The following FGF13 variants were observed in gnomAD, a reference collection of about 807,000 sequenced individuals.
FGF13 encodes fibroblast growth factor homologous factor 2.
FGF13 carries 2 observed loss-of-function variants against 19.5 expected under a neutral mutation model. The ratio of observed to expected loss-of-function variants is 0.10; its 90% confidence interval spans 0.04 to 0.32. The LOEUF is 0.32. Among genes scored for constraint, FGF13 ranks in the 10% least tolerant of loss-of-function variants. The pLI is 1.00. For synonymous variants in FGF13, 72 were observed against 76.9 expected, an observed-to-expected ratio of 0.94 and a Z score of 0.33; for missense variants, 113 against 192.7, an observed-to-expected ratio of 0.59 and a Z score of 2.45.
At chrX:138,792,873 C>A (rs1281351849) in intron 3 of FGF13, among the ~76,000 whole-genome samples, 1 of 111,586 alleles carries the variant, frequency 9.0e-6, no homozygotes, top group Non-Finnish European at 1.9e-5. Flanking sequence ...ATACATGTCC[C>A]TGCCCTAACT....
chrX:138,848,321 T>C (rs1346599038), intron 3 of FGF13, among the ~76,000 whole-genome samples: 1 of 111,158 alleles, frequency 9.0e-6, no homozygotes, highest in Admixed American at 9.6e-5. Context: ...AAGAGGCCCA[T>C]GCAATCAGCA....
At chrX:139,135,424 T>A (rs187219030) in intron 1 of FGF13, among the ~76,000 whole-genome samples, 2 of 112,607 alleles carry the variant, frequency 1.8e-5, no homozygotes, top group East Asian at 5.6e-4. Context: ...AAAAACATTT[T>A]ACTGCGGAGA....
intron 1 of FGF13, among the ~76,000 whole-genome samples, chrX:139,003,811 G>T (rs1199021763): frequency 9.0e-6 from 1 of 110,649 alleles, no homozygotes; most frequent in Non-Finnish European, 1.9e-5. Flanking sequence ...GTTCTCCAAG[G>T]CCCCACCAGA....
chrX:138,815,301 T>G (rs1239501978), intron 3 of FGF13, among the ~76,000 whole-genome samples: 1 of 110,727 alleles, frequency 9.0e-6, no homozygotes, highest in Admixed American at 9.7e-5. Context: ...CATTGTATAC[T>G]TAAAAAGTGC....
In FGF13 at chrX:138,711,416, G is replaced by A. The variant is rs1602733080; in HGVS notation, c.-413C>T. The A allele has an allele frequency of 3.6e-6, 2 of 562,274 alleles. No homozygotes were observed. The highest frequency in any genetic ancestry group is 4.0e-6 in the Non-Finnish European group (2 of 501,833). 46.3% of individuals were successfully genotyped at this position (562,274 alleles called of 1,213,427 possible). A position where few individuals can be genotyped will look rare whatever the true frequency, so the allele number is the denominator to read the frequency against. The stretch of plus-strand genomic sequence containing the variant: ...TGTTGCCCTTCTGATGGGGGCCAGA[G>A]GAGGGAGGCGGGCGGAGGGAGTGAG... On this transcript the variant is annotated 5_prime_UTR_variant, in exon 1 of 5. Coordinates refer to ENST00000315930, the MANE Select transcript of FGF13 (RefSeq NM_004114.5).
At chrX:139,037,070 A>C (rs757771579) in intron 1 of FGF13, among the ~76,000 whole-genome samples, 6 of 110,973 alleles carry the variant, frequency 5.4e-5, no homozygotes, top group Non-Finnish European at 9.4e-5. Context: ...CAATGGAGAC[A>C]ACTCTTCTAC....
intron 1 of FGF13, among the ~76,000 whole-genome samples, chrX:139,043,373 A>T (rs1480408494): frequency 9.1e-6 from 1 of 110,223 alleles, no homozygotes; most frequent in Non-Finnish European, 1.9e-5. Flanking sequence ...CACCACACCC[A>T]TCTAATTTTT....
At chrX:139,083,947 C>T (rs1240060494) in intron 1 of FGF13, among the ~76,000 whole-genome samples, 1 of 110,992 alleles carries the variant, frequency 9.0e-6, no homozygotes, top group African/African-American at 3.3e-5. Context: ...AGGATCTGCA[C>T]AGTGCTCAGG....
chrX:138,787,680 G>A (rs1483848290), intron 3 of FGF13, among the ~76,000 whole-genome samples: 1 of 110,970 alleles, frequency 9.0e-6, no homozygotes, highest in Non-Finnish European at 1.9e-5. Context: ...GCATGCATTA[G>A]GTATTTGTCC....
At chrX:138,786,248 T>A (rs1463326526) in intron 3 of FGF13, among the ~76,000 whole-genome samples, 6 of 111,583 alleles carry the variant, frequency 5.4e-5, no homozygotes, top group Non-Finnish European at 1.1e-4. Flanking sequence ...TCCAAACTCC[T>A]TTTTCTGCCT....
At chrX:138,799,671 C>T (rs1187773654) in intron 3 of FGF13, among the ~76,000 whole-genome samples, 1 of 110,744 alleles carries the variant, frequency 9.0e-6, no homozygotes, top group Non-Finnish European at 1.9e-5. Flanking sequence ...GCTAAAGTCT[C>T]CCACTAATAT....
chrX:138,623,557 G>C lies in FGF13; in HGVS notation c.*9293C>G, dbSNP rs910633740. 1 of 111,482 alleles carries C rather than the reference G, an allele frequency of 9.0e-6. No individual in the cohort carries two copies. Among genetic ancestry groups the C allele is most frequent in the African/African-American group, 3.3e-5 (1 of 30,667 alleles). 9.2% of individuals were successfully genotyped at this position (111,482 alleles called of 1,213,427 possible). On this transcript the variant is annotated 3_prime_UTR_variant, in exon 5 of 5. Coordinates refer to ENST00000315930, the MANE Select transcript of FGF13 (RefSeq NM_004114.5). Reference sequence around the variant, plus strand: ...GGAGGCCGAGGAAGGTGGATCACCTGAGGTCAGGAGTTTGAGACTAGCCTG... The same window carrying C: ...GGAGGCCGAGGAAGGTGGATCACCTCAGGTCAGGAGTTTGAGACTAGCCTG...
intron 1 of FGF13, among the ~76,000 whole-genome samples, chrX:139,039,759 G>A (rs575213359): frequency 2.7e-5 from 3 of 110,781 alleles, no homozygotes; most frequent in East Asian, 5.7e-4. Context: ...TCCCTAGAAC[G>A]GCAACTGTCA....
chrX:138,966,211 G>A (rs6635739), intron 1 of FGF13, among the ~76,000 whole-genome samples: 2 of 111,798 alleles, frequency 1.8e-5, no homozygotes, highest in Non-Finnish European at 3.8e-5. Context: ...GTATTGCCTA[G>A]GGGAGCTGTG....
rs779942310 is a variant in FGF13, at chrX:138,643,193, A to AT, written c.403-7539dup. Among the ~76,000 whole-genome samples the AT allele has an allele frequency of 2.2e-4, 25 of 112,134 alleles. 1 individual carries two copies. Among genetic ancestry groups the AT allele is most frequent in the African/African-American group, 7.4e-4 (23 of 30,895 alleles). On this transcript the variant is annotated intron_variant, in intron 3 of 4. Transcript: ENST00000315930. Reference sequence around the variant, plus strand: ...TGACCATATTTCAGCCCTGGAGTTCATTTAGTCCTCTATACTGAATTGTTC... The same window carrying AT: ...TGACCATATTTCAGCCCTGGAGTTCATTTTAGTCCTCTATACTGAATTGTTC...
At position 138,828,475 on chromosome X, in the gene FGF13, C is replaced by T. The variant is rs933660999; in HGVS notation, c.217+29037G>A. ...GTCCCAGCTACTCGAGAGGCTGAGGCGGGAGAATGGCGTGAACCCGGGAGG... is the reference window on the plus strand; with the variant it reads ...GTCCCAGCTACTCGAGAGGCTGAGGTGGGAGAATGGCGTGAACCCGGGAGG... On this transcript the variant is annotated intron_variant, in intron 3 of 6. Coordinates refer to the FGF13 transcript ENST00000436198. Among the ~76,000 whole-genome samples the T allele has an allele frequency of 4.7e-4, 50 of 107,192 alleles. 2 individuals are homozygous for T. The highest frequency in any genetic ancestry group is 1.2e-3 in the East Asian group (4 of 3,363). 93.1% of individuals were successfully genotyped at this position (107,192 alleles called of 115,157 possible).
chrX:138,922,968 C>A (rs1259482155), intron 1 of FGF13, among the ~76,000 whole-genome samples: 2 of 112,279 alleles, frequency 1.8e-5, no homozygotes, highest in East Asian at 5.6e-4. Context: ...ACAAAATATT[C>A]CTATATGACA....
chrX:139,084,049 C>T (rs1028911137), intron 1 of FGF13, among the ~76,000 whole-genome samples: 1 of 109,555 alleles, frequency 9.1e-6, no homozygotes, highest in Non-Finnish European at 1.9e-5. Flanking sequence ...TTTTCAGTTT[C>T]TGAGCACTAC....
chrX:138,952,642 C>T (rs2091819335), intron 1 of FGF13, among the ~76,000 whole-genome samples: 2 of 111,203 alleles, frequency 1.8e-5, no homozygotes, highest in African/African-American at 3.3e-5. Context: ...GAACAGGCAA[C>T]CTACAGAATG....
Sources: allele counts gnomAD v4.1 joint callset (sites outside exome capture counted in the v4.1 genomes callset), GRCh38; gene constraint gnomAD v4.1.1; transcripts MANE v1.5; gene names NCBI Gene and HGNC (gene_info 2026-07-23, HGNC 2026-07-21).